The following ENTPD7 variants were observed in gnomAD, a reference collection of about 807,000 sequenced individuals.
The protein encoded by ENTPD7 is ectonucleoside triphosphate diphosphohydrolase 7, also known as NTPDase 7.
ENTPD7 carries 53 observed loss-of-function variants against 77.9 expected under a neutral mutation model. The ratio of observed to expected loss-of-function variants is 0.68; its 90% CI spans 0.55 to 0.85. The LOEUF (loss-of-function observed/expected upper bound fraction) is 0.85. ENTPD7 is among the 40% of genes least tolerant of loss of function. ENTPD7 has a pLI of 0.00. For synonymous variants in ENTPD7, 248 were observed against 274.9 expected (o/e 0.90, Z 0.97); for missense variants, 636 against 743.7 (o/e 0.86, Z 1.68).
chr10:99,663,569 C>A (rs1029711508), intron 3 of ENTPD7, among the ~76,000 whole-genome samples: 1 of 151,464 alleles, frequency 6.6e-6, no homozygotes, highest in African/African-American at 2.4e-5. Flanking sequence ...AAGCTATCTT[C>A]CTGCCTCAGC....
At chr10:99,702,039 A>G (rs2036144990) in intron 11 of ENTPD7, among the ~76,000 whole-genome samples, 1 of 151,690 alleles carries the variant, frequency 6.6e-6, no homozygotes, top group Non-Finnish European at 1.5e-5. Flanking sequence ...ACAGAGTGAG[A>G]CTCTGTCTCA....
In ENTPD7 at chr10:99,679,888, G is replaced by A. The variant is rs375270704; in HGVS notation, c.548+13G>A. On this transcript the variant is annotated intron_variant, in intron 5 of 12. Coordinates refer to ENST00000370489, the MANE Select transcript of ENTPD7 (RefSeq NM_020354.5). ...TTCTCCCTGAGAGGTGAGATGCAGG[G>A]TACAGGAAACACAGGAAAACGGTGG... The A allele has an allele frequency of 1.2e-6, 2 of 1,602,304 alleles. No homozygotes were observed. The highest frequency in any genetic ancestry group is 1.8e-5 in the Admixed American group (1 of 56,852).
intron 2 of ENTPD7, 64 bp downstream of exon 2, chr10:99,660,028 C>T: frequency 6.2e-7 from 1 of 1,611,734 alleles, no homozygotes; most frequent in South Asian, 1.1e-5. Flanking sequence ...GGTTGGGGGG[C>T]CCTGGGAGGC....
At chr10:99,691,086 A>C (rs1374651254) in intron 7 of ENTPD7, among the ~76,000 whole-genome samples, 4 of 152,110 alleles carry the variant, frequency 2.6e-5, no homozygotes, top group African/African-American at 4.8e-5. Context: ...TCTTGGGCAC[A>C]AATGATCCTC....
At chr10:99,662,363 T>G (rs942890232) in intron 3 of ENTPD7, among the ~76,000 whole-genome samples, 16 of 152,190 alleles carry the variant, frequency 1.1e-4, no homozygotes, top group African/African-American at 3.6e-4. Context: ...CTTTAAAGTT[T>G]ATAGTGTCAT....
chr10:99,673,476 G>C (rs562933604), intron 3 of ENTPD7, among the ~76,000 whole-genome samples: 13 of 152,272 alleles, frequency 8.5e-5, no homozygotes, highest in African/African-American at 2.9e-4. Flanking sequence ...AGGTAATATG[G>C]CTACTGCCCA....
At chr10:99,684,693 A>T (rs1292115298) in intron 5 of ENTPD7, among the ~76,000 whole-genome samples, 3 of 152,238 alleles carry the variant, frequency 2.0e-5, no homozygotes, top group Non-Finnish European at 4.4e-5. Context: ...TTAATCCAAG[A>T]TAACTTGTCT....
At chr10:99,669,102 T>G (rs1339098968) in intron 3 of ENTPD7, among the ~76,000 whole-genome samples, 2 of 150,190 alleles carry the variant, frequency 1.3e-5, no homozygotes, top group Non-Finnish European at 3.0e-5. Flanking sequence ...AGTCATGAAC[T>G]CCTAGGCTCA....
rs924044479 is a variant in ENTPD7 at position 99,695,867 on chromosome 10, A to C, written c.844-89A>C. On this transcript the variant is annotated intron_variant, in intron 8 of 12. Coordinates refer to ENST00000370489, the MANE Select transcript of ENTPD7 (RefSeq NM_020354.5). ...AAGATGTTTTAAAGAGTAGTCATAGAAATGAAGCCTCGTGTATTAGCAATG... is the reference window on the plus strand; with the variant it reads ...AAGATGTTTTAAAGAGTAGTCATAGCAATGAAGCCTCGTGTATTAGCAATG... The C allele has an allele frequency of 5.6e-6, 7 of 1,256,488 alleles. No homozygotes were observed. The African/African-American group carries it at 1.1e-4, about 19-fold the overall frequency. 77.8% of individuals were successfully genotyped at this position (1,256,488 alleles called of 1,614,324 possible).
Position 99,710,838 on chromosome 10 carries a change from G to A in ENTPD7, c.*6155G>A, listed in dbSNP as rs1743990876. 1 of 985,378 alleles carries A rather than the reference G, an allele frequency of 1.0e-6. No individual in the cohort carries two copies. The highest frequency in any genetic ancestry group is 1.2e-6 in the Non-Finnish European group (1 of 829,904). The allele number at this position is 985,378 out of a possible 1,614,324, so 61.0% of individuals were successfully genotyped here. ...CAATAGATAGTATTTGTCAGTCTAA[G>A]TTACAGACAAAAAATTCTAGGTTGA... On this transcript the variant is annotated 3_prime_UTR_variant, in exon 13 of 13. Coordinates refer to ENST00000370489, the MANE Select transcript of ENTPD7 (RefSeq NM_020354.5).
Position 99,698,602 on chromosome 10 carries a change from TCA to T in ENTPD7, c.1082_1083del (p.Thr361ArgfsTer48). 1 of 1,614,190 alleles carries T rather than the reference TCA, an allele frequency of 6.2e-7. No homozygotes were observed. Among genetic ancestry groups the T allele is most frequent in the East Asian group, 2.2e-5 (1 of 44,880 alleles). On this transcript the variant is annotated frameshift_variant, in exon 10 of 13. Transcript: ENST00000370489. LOFTEE classifies it high-confidence loss of function. The stretch of plus-strand genomic sequence containing the variant: ...CTGGATCCCTGCCTGCCAGTGGGAC[TCA>T]CAGATGTGGTGGAGAGGAACAGCCA...
Position 99,702,595 on chromosome 10 carries a change from C to T in ENTPD7, c.1505C>T (p.Thr502Ile), listed in dbSNP as rs556343062. 1 of 1,613,700 alleles carries T rather than the reference C, an allele frequency of 6.2e-7. No individual in the cohort carries two copies. Among genetic ancestry groups the T allele is most frequent in the African/African-American group, 1.3e-5 (1 of 75,012 alleles). ...HFPYDYPNLR[T>I]AQLVYDREVQ... ...CCCTATGACTACCCAAACCTGCGGA[C>T]AGCCCAGCTGGTGTATGACCGAGAG... Residue 502 changes from threonine to isoleucine, a missense_variant, in exon 12 of 13, where the codon ACA becomes ATA. Coordinates refer to ENST00000370489, the MANE Select transcript of ENTPD7 (RefSeq NM_020354.5).
At chr10:99,695,715 A>T (rs938083195) in intron 8 of ENTPD7, among the ~76,000 whole-genome samples, 32 of 152,230 alleles carry the variant, frequency 2.1e-4, no homozygotes, top group African/African-American at 7.5e-4. Flanking sequence ...ATATAACTAC[A>T]GATAGTGTTT....
chr10:99,678,266 A>G (rs1051298977), intron 3 of ENTPD7, among the ~76,000 whole-genome samples: 1 of 151,514 alleles, frequency 6.6e-6, no homozygotes, highest in Non-Finnish European at 1.5e-5. Context: ...CAGGAGATCG[A>G]GACCATCCTG....
intron 11 of ENTPD7, among the ~76,000 whole-genome samples, chr10:99,701,362 A>G (rs2036121447): frequency 6.6e-6 from 1 of 150,658 alleles, no homozygotes; most frequent in South Asian, 2.1e-4. Context: ...ATCTTAGCTC[A>G]CTGCAACCTC....
chr10:99,669,751 T>G (rs910157043), intron 3 of ENTPD7, among the ~76,000 whole-genome samples: 11 of 127,620 alleles, frequency 8.6e-5, no homozygotes, highest in South Asian at 2.8e-4. Flanking sequence ...TTTTTTTTTT[T>G]TTTTTTTTTT....
At chr10:99,686,034 G>A in intron 6 of ENTPD7, 139 bp downstream of exon 6, 1 of 567,912 alleles carries the variant, frequency 1.8e-6, no homozygotes, top group Non-Finnish European at 3.0e-6. Flanking sequence ...CTACATAGTT[G>A]ATTTGATTAT....
intron 7 of ENTPD7, 71 bp from the exon 8 acceptor site, chr10:99,691,314 G>A (rs1342636308): frequency 2.7e-6 from 4 of 1,506,522 alleles, no homozygotes; most frequent in Non-Finnish European, 3.6e-6. Context: ...TCAAGGGATT[G>A]CTGTTTTGGG....
At chr10:99,689,862 G>T (rs952684492) in intron 7 of ENTPD7, among the ~76,000 whole-genome samples, 1 of 152,162 alleles carries the variant, frequency 6.6e-6, no homozygotes, top group Non-Finnish European at 1.5e-5. Flanking sequence ...GAATTTTTAT[G>T]TAATGAACTT....
Sources: allele counts gnomAD v4.1 joint callset (sites outside exome capture counted in the v4.1 genomes callset), GRCh38; gene constraint gnomAD v4.1.1; transcripts MANE v1.5; gene names NCBI Gene and HGNC (gene_info 2026-07-23, HGNC 2026-07-21).